Variants in ITPRIPL1 observed in about 807,000 individuals in gnomAD.
ITPRIPL1 encodes the protein ITPRIP like 1.
ITPRIPL1 carries 28 observed loss-of-function variants against 40.0 expected under a neutral mutation model. The observed-to-expected ratio is 0.70, with a 90% CI of 0.52 to 0.96. The LOEUF is 0.96. Among genes scored for constraint, ITPRIPL1 ranks in the 40% least tolerant of loss-of-function variants. ITPRIPL1 has a pLI of 0.00. For missense variants in ITPRIPL1, 638 were observed against 698.0 expected (o/e 0.91, Z 0.97); for synonymous variants, 251 against 275.7 (o/e 0.91, Z 0.89).
At chr2:96,326,497 T>C in intron 2 of ITPRIPL1, 145 bp from the exon 3 acceptor site, 1 of 1,549,922 alleles carries the variant, frequency 6.5e-7, no homozygotes, top group South Asian at 1.3e-5. Flanking sequence ...ACCCTTGCTG[T>C]GTCCAAGCCA....
downstream of ITPRIPL1, chr2:96,329,151 ATATATATAT>A: frequency 2.0e-4 from 1 of 5,120 alleles, no homozygotes; most frequent in South Asian, 0.017. Flanking sequence ...AAAAAAAATT[ATATATATAT>A]ATATATATAT....
chr2:96,325,744 C>A lies in ITPRIPL1; in HGVS notation c.-93-3C>A. ...CCCCCAGGTACCTTGTACATTTTAACAGGGCTCCTAGAGAGGGCGGGGAGA... is the reference window on the plus strand; with the variant it reads ...CCCCCAGGTACCTTGTACATTTTAAAAGGGCTCCTAGAGAGGGCGGGGAGA... On this transcript the variant is annotated splice_region_variant and splice_polypyrimidine_tract_variant and intron_variant, in intron 1 of 2. Coordinates refer to ENST00000439118, the MANE Select transcript of ITPRIPL1 (RefSeq NM_001008949.3). The A allele has an allele frequency of 1.5e-6, 2 of 1,297,058 alleles. No individual in the cohort carries two copies. Among genetic ancestry groups the A allele is most frequent in the Non-Finnish European group, 2.2e-6 (2 of 892,188 alleles). The allele number at this position is 1,297,058 out of a possible 1,614,324, so 80.3% of individuals were successfully genotyped here.
rs560308154 is a variant in ITPRIPL1 at position 96,327,036 on chromosome 2, G to A, written c.405G>A (p.Pro135=). The change falls in exon 3 of 3, where the codon CCG becomes CCA. Residue 135 remains proline (P), a synonymous_variant. Coordinates refer to ENST00000439118, the MANE Select transcript of ITPRIPL1 (RefSeq NM_001008949.3). ...ELLRQNMQHE[P]AFDSSSEEEE... ...TGCGACAGAACATGCAGCATGAACC[G>A]GCCTTTGATTCCAGCAGTGAGGAGG... 1.3e-4 allele frequency: 211 copies of A among 1,614,156 alleles called. 2 individuals carry two copies. The highest frequency in any genetic ancestry group is 1.1e-3 in the South Asian group (103 of 91,072).
chr2:96,326,706 C>G lies in ITPRIPL1; in HGVS notation c.75C>G (p.His25Gln), dbSNP rs957235656. 1.2e-6 allele frequency: 2 copies of G among 1,614,236 alleles called. No homozygotes were observed. The highest frequency in any genetic ancestry group is 2.7e-5 in the African/African-American group (2 of 75,060). The change falls in exon 3 of 3, where the codon CAC becomes CAG. Residue 25 changes from histidine to glutamine, a missense_variant. Coordinates refer to ENST00000439118, the MANE Select transcript of ITPRIPL1 (RefSeq NM_001008949.3). ...TGGCAGTGATGTATGTTGTTCACCACCCTCTGATGGTCAGTGATCGGATGG... is the reference window on the plus strand; with the variant it reads ...TGGCAGTGATGTATGTTGTTCACCAGCCTCTGATGGTCAGTGATCGGATGG... Reference protein sequence around the residue: ...LFLAVMYVVHHPLMVSDRMDL... With the variant: ...LFLAVMYVVHQPLMVSDRMDL...
In ITPRIPL1 at chr2:96,328,026, G is replaced by C; in HGVS notation, c.1395G>C (p.Trp465Cys). 6 of 1,614,110 alleles carry C rather than the reference G, an allele frequency of 3.7e-6. No homozygotes were observed. Among genetic ancestry groups the C allele is most frequent in the Non-Finnish European group, 4.2e-6 (5 of 1,180,024 alleles). Residue 465 changes from tryptophan (W) to cysteine (C), a missense_variant, in exon 3 of 3, where the codon TGG becomes TGC. Trp to Cys is a radical substitution (Grantham distance 215). Transcript: ENST00000439118. ...TGCTACGGCTGCCCCTCACGGACTG[G>C]GCCCACAACATGCTCTCTCAGCGGC... ...HLLLRLPLTDWAHNMLSQRLQ... is the reference protein window; with the variant it reads ...HLLLRLPLTDCAHNMLSQRLQ...
chr2:96,325,703 C>G, intron 1 of ITPRIPL1, 44 bp from the exon 2 acceptor site: 1 of 830,640 alleles, frequency 1.2e-6, no homozygotes, highest in Non-Finnish European at 2.0e-6. Flanking sequence ...GGGTCGGGTT[C>G]CGATTTGAGC....
chr2:96,326,047 G>A, intron 2 of ITPRIPL1, 198 bp downstream of exon 2: 1 of 542,584 alleles, frequency 1.8e-6, no homozygotes, highest in Non-Finnish European at 2.4e-6. Context: ...GGAGCAGAGA[G>A]GGCACCGTAG....
rs891467175 is a variant in ITPRIPL1 at position 96,327,478 on chromosome 2, C to G, written c.847C>G (p.Leu283Val). 1.2e-6 allele frequency: 2 copies of G among 1,613,974 alleles called. No homozygotes were observed. The change falls in exon 3 of 3, where the codon CTG (leucine) becomes GTG (valine). Residue 283 changes from leucine (L) to valine (V), a missense_variant. Leu to Val is a conservative substitution (Grantham distance 32). Transcript: ENST00000439118. ...CKREKLLGDV[L>V]CLVHHHRDPS... ...GCGTGAGAAACTCCTAGGGGACGTG[C>G]TGTGCCTGGTGCACCACCACAGGGA...
downstream of ITPRIPL1, chr2:96,328,380 C>T: frequency 7.1e-7 from 1 of 1,412,048 alleles, no homozygotes; most frequent in Non-Finnish European, 9.7e-7. Context: ...TCAGATATAT[C>T]AGTGGTATAT....
At position 96,328,060 on chromosome 2, in the gene ITPRIPL1, A is replaced by G. The variant is rs1320566737; in HGVS notation, c.1429A>G (p.Ile477Val). 1.9e-6 allele frequency: 3 copies of G among 1,614,142 alleles called. No individual in the cohort carries two copies. Among genetic ancestry groups the G allele is most frequent in the East Asian group, 4.5e-5 (2 of 44,880 alleles). ...CATGCTCTCTCAGCGGCTCCAGGAC[A>G]TTCTCTGGTTCTTGGGCCGTGGCCT... ...HNMLSQRLQDILWFLGRGLQQ... is the reference protein window; with the variant it reads ...HNMLSQRLQDVLWFLGRGLQQ... The change falls in exon 3 of 3, where the codon ATT (isoleucine) becomes GTT (valine). Residue 477 changes from isoleucine (I) to valine (V), a missense_variant. Ile to Val is a conservative substitution (Grantham distance 29). Transcript: ENST00000439118.
rs1323550670 is a variant in ITPRIPL1 at position 96,325,365 on chromosome 2, T to TGGG, written c.-291_-289dup. 1 of 157,742 alleles carries TGGG rather than the reference T, an allele frequency of 6.3e-6. No homozygotes were observed. Among genetic ancestry groups the TGGG allele is most frequent in the Non-Finnish European group, 1.4e-5 (1 of 71,716 alleles). 9.8% of individuals were successfully genotyped at this position (157,742 alleles called of 1,614,324 possible). On this transcript the variant is annotated 5_prime_UTR_variant, in exon 1 of 3. Coordinates refer to ENST00000439118, the MANE Select transcript of ITPRIPL1 (RefSeq NM_001008949.3). ...CGCGGGCGCCCTCGGAGCCGCGTGC[T>TGGG]GGGGGTCGTAGGGGCCCACCGCGCT...
Position 96,326,691 on chromosome 2 carries a change from G to A in ITPRIPL1, c.60G>A (p.Met20Ile), listed in dbSNP as rs1477125524. 1.2e-6 allele frequency: 2 copies of A among 1,614,260 alleles called. No individual in the cohort carries two copies. Among genetic ancestry groups the A allele is most frequent in the Admixed American group, 1.7e-5 (1 of 60,034 alleles). ...TAAGCCTGCTGTTCTTGGCAGTGAT[G>A]TATGTTGTTCACCACCCTCTGATGG... ...AVISLLFLAV[M>I]YVVHHPLMVS... Residue 20 changes from methionine to isoleucine, a missense_variant, in exon 3 of 3, where the codon ATG (methionine) becomes ATA (isoleucine). Met to Ile is a conservative substitution (Grantham distance 10, BLOSUM62 1). Transcript: ENST00000439118.
At chr2:96,325,920 T>C in intron 2 of ITPRIPL1, 71 bp downstream of exon 2, 1 of 1,539,260 alleles carries the variant, frequency 6.5e-7, no homozygotes, top group Non-Finnish European at 9.0e-7. Flanking sequence ...GGGGAGGCAG[T>C]GGAACTGACC....
rs2064110003 is a variant in ITPRIPL1 at position 96,326,684 on chromosome 2, C to T, written c.53C>T (p.Ala18Val). ...GCTGTGATAAGCCTGCTGTTCTTGG[C>T]AGTGATGTATGTTGTTCACCACCCT... ...SMAVISLLFLAVMYVVHHPLM... is the reference protein window; with the variant it reads ...SMAVISLLFLVVMYVVHHPLM... Residue 18 changes from alanine (A) to valine (V), a missense_variant, in exon 3 of 3, where the codon GCA (alanine) becomes GTA (valine). Transcript: ENST00000439118. 1 of 1,614,200 alleles carries T rather than the reference C, an allele frequency of 6.2e-7. No homozygotes were observed. The highest frequency in any genetic ancestry group is 2.2e-5 in the East Asian group (1 of 44,882).
At chr2:96,328,630 A>G (rs555893153), downstream of ITPRIPL1, 93 of 226,688 alleles carry the variant, frequency 4.1e-4, no homozygotes, top group African/African-American at 2.0e-3. Flanking sequence ...TTTTGTATCA[A>G]CACTCGAAGT....
In ITPRIPL1 at chr2:96,327,635, A is replaced by G. The variant is rs771537500; in HGVS notation, c.1004A>G (p.His335Arg). 2.5e-6 allele frequency: 4 copies of G among 1,611,814 alleles called. No homozygotes were observed. The South Asian group carries it at 3.3e-5, about 13-fold the overall frequency. Reference protein sequence around the residue: ...MMGNAWALVAHKYDFKLSLPP... With the variant: ...MMGNAWALVARKYDFKLSLPP... ...GGCAATGCCTGGGCCCTTGTGGCCCACAAGTATGACTTTAAACTCAGTCTC... is the reference window on the plus strand; with the variant it reads ...GGCAATGCCTGGGCCCTTGTGGCCCGCAAGTATGACTTTAAACTCAGTCTC... The change falls in exon 3 of 3, where the codon CAC becomes CGC. Residue 335 changes from histidine to arginine, a missense_variant. Transcript: ENST00000439118.
chr2:96,326,371 T>C, intron 2 of ITPRIPL1: 18 of 1,511,970 alleles, frequency 1.2e-5, no homozygotes, highest in South Asian at 3.6e-5. Context: ...AACAGTCCCA[T>C]GTACACTTTC....
At position 96,327,156 on chromosome 2, in the gene ITPRIPL1, T is replaced by C. The variant is rs767275816; in HGVS notation, c.525T>C (p.Tyr175=). 10 of 1,614,070 alleles carry C rather than the reference T, an allele frequency of 6.2e-6. No individual in the cohort carries two copies. Among genetic ancestry groups the C allele is most frequent in the Non-Finnish European group, 8.5e-6 (10 of 1,180,032 alleles). The change falls in exon 3 of 3, where the codon TAT becomes TAC. Residue 175 remains tyrosine, a synonymous_variant. Transcript: ENST00000439118. ...QEALDSFYKH[Y]VQNAIRDLPC... is the part of the protein sequence containing the mutation. ...CCCTGGACTCCTTTTACAAACACTA[T>C]GTCCAAAATGCCATCCGTGACCTGC...
chr2:96,327,835 G>C lies in ITPRIPL1; in HGVS notation c.1204G>C (p.Glu402Gln). Residue 402 changes from glutamate to glutamine, a missense_variant, in exon 3 of 3, where the codon GAG (glutamate) becomes CAG (glutamine). By Grantham distance (29) the Glu-to-Gln change is conservative (BLOSUM62 2). Transcript: ENST00000439118. ...CTGGCCTGAGTCCTTTGTGGCCTGT[G>C]AGCACCTGTTCCTGAAGCTGGTGGG... ...VDWPESFVAC[E>Q]HLFLKLVGRF... 1 of 1,614,096 alleles carries C rather than the reference G, an allele frequency of 6.2e-7. No homozygotes were observed. The highest frequency in any genetic ancestry group is 8.5e-7 in the Non-Finnish European group (1 of 1,180,038).
Sources: gnomAD v4.1 joint callset for allele counts on GRCh38, gnomAD v4.1.1 for gene constraint, MANE v1.5 for transcripts, NCBI Gene and HGNC (gene_info 2026-07-23, HGNC 2026-07-21) for gene names.